Variants in CDIN1 observed in about 807,000 individuals in gnomAD.
CDIN1 encodes the protein CDAN1 interacting nuclease 1.
A neutral mutation model predicts 45.3 loss-of-function variants in CDIN1; 33 were observed. The observed-to-expected ratio is 0.73, with a 90% confidence interval of 0.55 to 0.97. The LOEUF (loss-of-function observed/expected upper bound fraction) is 0.97, where lower values mean the gene tolerates loss of function less well. CDIN1 is among the 50% of genes least tolerant of loss of function. The pLI is 0.00. For missense variants in CDIN1, 303 were observed against 339.4 expected, an observed-to-expected ratio of 0.89 and a Z score of 0.84; for synonymous variants, 118 against 124.4, an observed-to-expected ratio of 0.95 and a Z score of 0.34.
At chr15:36,688,024 A>C (rs572686657) in intron 5 of CDIN1, among the ~76,000 whole-genome samples, 1 of 152,296 alleles carries the variant, frequency 6.6e-6, no homozygotes, top group Admixed American at 6.5e-5. Context: ...AATTTAGAGG[A>C]AAAATTATAG....
intron 10 of CDIN1, among the ~76,000 whole-genome samples, chr15:36,736,670 C>T (rs1248654728): frequency 1.3e-5 from 2 of 152,080 alleles, no homozygotes; most frequent in East Asian, 3.9e-4. Context: ...GCAGTATTAC[C>T]CATCCAGATC....
chr15:36,699,919 ATATTG>A (rs1472352340), intron 8 of CDIN1, among the ~76,000 whole-genome samples: 2 of 152,308 alleles, frequency 1.3e-5, no homozygotes, highest in African/African-American at 4.8e-5. Context: ...ACACATAAGT[ATATTG>A]TATTAAGACA....
chr15:36,674,036 A>G (rs2140558814), intron 5 of CDIN1, among the ~76,000 whole-genome samples: 1 of 152,234 alleles, frequency 6.6e-6, no homozygotes, highest in South Asian at 2.1e-4. Context: ...CCTCTTTTGA[A>G]AAAGCCGTAT....
At chr15:36,754,949 CCA>C (rs1447496542) in intron 10 of CDIN1, among the ~76,000 whole-genome samples, 1 of 152,066 alleles carries the variant, frequency 6.6e-6, no homozygotes, top group Non-Finnish European at 1.5e-5. Context: ...TTAGCAGTTT[CCA>C]CAACTTAAAC....
chr15:36,720,700 C>T (rs2043383155), intron 10 of CDIN1, among the ~76,000 whole-genome samples: 1 of 152,068 alleles, frequency 6.6e-6, no homozygotes, highest in South Asian at 2.1e-4. Context: ...GGGTTGGTTC[C>T]AAGTCTTTGC....
At chr15:36,737,686 TCAGAGGA>T (rs2044081336) in intron 10 of CDIN1, among the ~76,000 whole-genome samples, 1 of 152,254 alleles carries the variant, frequency 6.6e-6, no homozygotes, top group South Asian at 2.1e-4. Flanking sequence ...TGCTTATGAG[TCAGAGGA>T]CAATCACTTA....
intron 8 of CDIN1, 191 bp from the exon 9 acceptor site, chr15:36,709,032 T>A: frequency 2.4e-6 from 1 of 417,874 alleles, no homozygotes; most frequent in Non-Finnish European, 4.2e-6. Flanking sequence ...GAAAGAAGCA[T>A]ATCTGAAGCA....
intron 2 of CDIN1, 120 bp from the exon 3 acceptor site, chr15:36,645,103 C>A: frequency 4.1e-6 from 3 of 734,722 alleles, no homozygotes; most frequent in Non-Finnish European, 4.7e-6. Context: ...AATTCCCAAG[C>A]TGTTATTCAG....
chr15:36,785,707 G>T (rs953260814), intron 10 of CDIN1, among the ~76,000 whole-genome samples: 1 of 152,164 alleles, frequency 6.6e-6, no homozygotes, highest in African/African-American at 2.4e-5. Flanking sequence ...TGGAAGTTGA[G>T]CACCTCTCAG....
chr15:36,756,246 T>G, intron 10 of CDIN1: 1 of 388,882 alleles, frequency 2.6e-6, no homozygotes, highest in South Asian at 1.9e-5. Flanking sequence ...GGTTGCTGAC[T>G]GGCACATTTG....
At position 36,800,907 on chromosome 15, in the gene CDIN1, GTGTATATA is replaced by G. The variant is rs1376037190; in HGVS notation, c.717-7415_717-7408del. 5.9e-3 allele frequency among the ~76,000 whole-genome samples: 185 copies of G among 31,616 alleles called. 1 individual carries two copies. The East Asian group carries it at 0.066, about 11-fold the overall frequency. 20.7% of individuals were successfully genotyped at this position (31,616 alleles called of 152,430 possible). A position where few individuals can be genotyped will look rare whatever the true frequency, so the allele number is the denominator to read the frequency against. On this transcript the variant is annotated intron_variant, in intron 10 of 10. Coordinates refer to ENST00000566621, the MANE Select transcript of CDIN1 (RefSeq NM_001321759.2). ...TGTGTGTGTGTGTGTGTGTGTGTGT[GTGTATATA>G]TATATATATATATATATATATATAT...
intron 5 of CDIN1, among the ~76,000 whole-genome samples, chr15:36,663,217 A>T (rs6495865): frequency 0.96 from 146,041 of 152,190 alleles, 70,080 homozygotes; most frequent in East Asian, 1. Context: ...ACAAATTCAG[A>T]TGGGGTTATA....
intron 10 of CDIN1, among the ~76,000 whole-genome samples, chr15:36,756,842 G>A (rs953747077): frequency 2.0e-5 from 3 of 152,086 alleles, no homozygotes; most frequent in East Asian, 1.9e-4. Flanking sequence ...ATGGCTTTTC[G>A]AGTGGTAATA....
intron 5 of CDIN1, among the ~76,000 whole-genome samples, chr15:36,660,655 GACAA>G (rs948751074): frequency 1.7e-4 from 26 of 152,098 alleles, no homozygotes; most frequent in African/African-American, 5.8e-4. Flanking sequence ...CTCTTGTGAT[GACAA>G]ACAATTTTGT....
intron 5 of CDIN1, among the ~76,000 whole-genome samples, chr15:36,685,319 G>A (rs1433115633): frequency 1.3e-5 from 2 of 151,886 alleles, no homozygotes; most frequent in African/African-American, 4.8e-5. Flanking sequence ...CTTTATTTCT[G>A]CCTTCATTTC....
intron 1 of CDIN1, chr15:36,618,170 A>G (rs1323066070): frequency 2.8e-6 from 2 of 702,584 alleles, no homozygotes; most frequent in African/African-American, 3.5e-5. Context: ...AAGACATGCT[A>G]CTGCTATGAA....
At chr15:36,780,778 C>T (rs2054331006) in intron 10 of CDIN1, among the ~76,000 whole-genome samples, 1 of 152,090 alleles carries the variant, frequency 6.6e-6, no homozygotes, top group South Asian at 2.1e-4. Flanking sequence ...CTTATAAGAA[C>T]ACTGAGGCCT....
intron 3 of CDIN1, among the ~76,000 whole-genome samples, chr15:36,652,074 T>C (rs1365174201): frequency 6.6e-6 from 1 of 152,198 alleles, no homozygotes; most frequent in Non-Finnish European, 1.5e-5. Flanking sequence ...CATGGCATGC[T>C]CCTTCTTTTC....
At position 36,644,282 on chromosome 15, in the gene CDIN1, T is replaced by C. The variant is rs751879757; in HGVS notation, c.106T>C (p.Ser36Pro). 2.7e-5 allele frequency: 44 copies of C among 1,613,598 alleles called. No individual in the cohort carries two copies. The highest frequency in any genetic ancestry group is 3.7e-5 in the Non-Finnish European group (44 of 1,179,712). The change falls in exon 2 of 11, where the codon TCG (serine) becomes CCG (proline). Residue 36 changes from serine to proline, a missense_variant. Ser to Pro is a moderately conservative substitution (Grantham distance 74). Coordinates refer to ENST00000566621, the MANE Select transcript of CDIN1 (RefSeq NM_001321759.2). ...RKLKQRFPSQ[S>P]QATLLSIFSQ... ...TCCTTCTTTTATTTGTTCCAGTCAA[T>C]CGCAGGCCACTCTGCTGAGCATCTT...
Sources: allele counts gnomAD v4.1 joint callset (sites outside exome capture counted in the v4.1 genomes callset), GRCh38; gene constraint gnomAD v4.1.1; transcripts MANE v1.5; gene names NCBI Gene and HGNC (gene_info 2026-07-23, HGNC 2026-07-21).